Variants in ZNF605 observed in about 807,000 individuals in gnomAD.
ZNF605 encodes zinc finger protein 605.
Under a neutral mutation model 7.9 loss-of-function variants are expected in ZNF605, and 9 were observed. That is an observed-to-expected ratio of 1.14 (90% CI 0.68 to 1.98). ZNF605 has a LOEUF of 1.98. Ranked by LOEUF, ZNF605 falls within the 30% of genes most tolerant of loss-of-function variation. The probability of loss-of-function intolerance (pLI) is 0.00; values close to 1 mark genes in which losing one functional copy is unlikely to be tolerated. For missense variants in ZNF605, 673 were observed against 762.4 expected (o/e 0.88, Z 1.38); for synonymous variants, 255 against 260.1 (o/e 0.98, Z 0.19).
chr12:132,949,405 C>CA (rs1461635539), intron 1 of ZNF605, among the ~76,000 whole-genome samples: 1 of 152,216 alleles, frequency 6.6e-6, no homozygotes, highest in Non-Finnish European at 1.5e-5. Context: ...TGATGGTACT[C>CA]AATCAATAGA....
intron 1 of ZNF605, among the ~76,000 whole-genome samples, chr12:132,953,615 C>T (rs938777766): frequency 0.013 from 1,974 of 151,628 alleles, 40 homozygotes; most frequent in African/African-American, 0.04. Flanking sequence ...TTAGTAGAGA[C>T]GGGGTTTCAC....
chr12:132,939,243 T>C (rs1371134011), intron 3 of ZNF605, among the ~76,000 whole-genome samples: 17 of 152,184 alleles, frequency 1.1e-4, no homozygotes, highest in Non-Finnish European at 1.8e-4. Context: ...GTGGAGAGTC[T>C]TTATATCTAG....
rs1170763971 is a variant in ZNF605, at chr12:132,921,940, A to C, written c.*3433T>G. The C allele has an allele frequency of 6.6e-6, 1 of 152,214 alleles. No homozygotes were observed. Among genetic ancestry groups the C allele is most frequent in the Non-Finnish European group, 1.5e-5 (1 of 68,036 alleles). The allele number at this position is 152,214 out of a possible 1,614,324, so 9.4% of individuals were successfully genotyped here. ...TGCATTAGCGCCGTAAGGTTGTAAG[A>C]GAAGCAACTCTGGCTTGATCTTAGA... On this transcript the variant is annotated 3_prime_UTR_variant, in exon 5 of 5. Transcript: ENST00000360187.
chr12:132,938,943 C>T (rs1486626862), intron 3 of ZNF605, among the ~76,000 whole-genome samples: 1 of 152,024 alleles, frequency 6.6e-6, no homozygotes, highest in African/African-American at 2.4e-5. Context: ...AGTGCTGGCC[C>T]ACCGGCGCTG....
chr12:132,931,318 C>A (rs976671121), intron 4 of ZNF605, among the ~76,000 whole-genome samples: 24 of 152,238 alleles, frequency 1.6e-4, no homozygotes, highest in African/African-American at 5.8e-4. Context: ...TAAGTGCATA[C>A]CACAAATTCC....
chr12:132,954,510 C>T, intron 1 of ZNF605, among the ~76,000 whole-genome samples: 1 of 72,720 alleles, frequency 1.4e-5, no homozygotes, highest in Admixed American at 1.6e-4. Flanking sequence ...CACTGGTCTC[C>T]ATTCACTCAC....
intron 4 of ZNF605, among the ~76,000 whole-genome samples, chr12:132,927,548 T>C (rs1952258869): frequency 6.6e-6 from 1 of 151,976 alleles, no homozygotes; most frequent in Admixed American, 6.6e-5. Flanking sequence ...GTATTTTTAA[T>C]AGAGACGGGG....
In ZNF605 at chr12:132,926,253, T is replaced by A; in HGVS notation, c.1046A>T (p.Asn349Ile). ...CGECQKAFSR[N>I]SLLIRHQRIH... Reference sequence around the variant, plus strand: ...CCTCTGATGCCTAATGAGAAGTGAGTTCCTGCTGAAGGCTTTTTGACACTC... The same window carrying A: ...CCTCTGATGCCTAATGAGAAGTGAGATCCTGCTGAAGGCTTTTTGACACTC... The change falls in exon 5 of 5, where the codon AAC (asparagine) becomes ATC (isoleucine). Residue 349 changes from asparagine (N) to isoleucine (I), a missense_variant. Coordinates refer to ENST00000360187, the MANE Select transcript of ZNF605 (RefSeq NM_183238.4). 1 of 1,613,716 alleles carries A rather than the reference T, an allele frequency of 6.2e-7. No individual in the cohort carries two copies. The highest frequency in any genetic ancestry group is 1.1e-5 in the South Asian group (1 of 91,068).
Position 132,933,220 on chromosome 12 carries a change from TCTG to T in ZNF605, c.16-68_16-66del. The T allele has an allele frequency of 3.9e-6, 6 of 1,529,316 alleles. No homozygotes were observed. Among genetic ancestry groups the T allele is most frequent in the Non-Finnish European group, 5.3e-6 (6 of 1,134,066 alleles). 94.7% of individuals were successfully genotyped at this position (1,529,316 alleles called of 1,614,324 possible). A position where few individuals can be genotyped will look rare whatever the true frequency, so the allele number is the denominator to read the frequency against. ...CATTTGGTCTTGTAAAATACTTTCT[TCTG>T]TATTTGTGGTAGGTGGCCTCTAAGA... On this transcript the variant is annotated intron_variant, in intron 3 of 4. Coordinates refer to ENST00000360187, the MANE Select transcript of ZNF605 (RefSeq NM_183238.4). The surrounding 1 kb of genome is among the most constrained non-coding windows in gnomAD (Gnocchi z 4.4).
In ZNF605 at chr12:132,945,691, C is replaced by T; in HGVS notation, c.-56G>A. 3.7e-6 allele frequency: 6 copies of T among 1,614,080 alleles called. No individual in the cohort carries two copies. Among genetic ancestry groups the T allele is most frequent in the Non-Finnish European group, 5.1e-6 (6 of 1,179,902 alleles). ...TGTGACTTCTCTTAGTCCTGACACC[C>T]TGGAGTGGCCTCTGGTCAGTGGTCT... On this transcript the variant is annotated 5_prime_UTR_variant, in exon 3 of 5. Coordinates refer to ENST00000360187, the MANE Select transcript of ZNF605 (RefSeq NM_183238.4).
In ZNF605 at chr12:132,941,624, G is replaced by A. The variant is rs1952442244; in HGVS notation, c.15+3997C>T. On this transcript the variant is annotated intron_variant, in intron 3 of 4. Transcript: ENST00000360187. The surrounding 1 kb of genome is among the most constrained non-coding windows in gnomAD (Gnocchi z 5.1). ...ACTGACTGTTGTAACGGACAGCTTC[G>A]GTGGCTGCTGGGAGGGGACGAGATA... 6.6e-6 allele frequency among the ~76,000 whole-genome samples: 1 copy of A among 152,312 alleles called. No homozygotes were observed. Among genetic ancestry groups the A allele is most frequent in the Middle Eastern group, 3.4e-3 (1 of 294 alleles).
At position 132,926,696 on chromosome 12, in the gene ZNF605, C is replaced by CTTT. The variant is rs1952251241; in HGVS notation, c.602_603insAAA (p.Glu201_Cys202insLys). ...ACTTCTGTGAAAAGGCTTTTCCACACTCACTGCATTGATAGGGCTTCTCTC... is the reference window on the plus strand; with the variant it reads ...ACTTCTGTGAAAAGGCTTTTCCACACTTTTCACTGCATTGATAGGGCTTCTCTC... On this transcript the variant is annotated inframe_insertion, in exon 5 of 5. Transcript: ENST00000360187. 6.2e-7 allele frequency: 1 copy of CTTT among 1,613,640 alleles called. No homozygotes were observed. The highest frequency in any genetic ancestry group is 8.5e-7 in the Non-Finnish European group (1 of 1,179,914).
rs1350165044 is a variant in ZNF605 at position 132,953,205 on chromosome 12, GACC to G, written c.-286+3035_-286+3037del. ...CCATGTGCCCCCATCACTCCCACAG[GACC>G]ACAATGGCTGACTTCACAGGCCACC... On this transcript the variant is annotated intron_variant, in intron 1 of 4. Coordinates refer to ENST00000360187, the MANE Select transcript of ZNF605 (RefSeq NM_183238.4). 3.1e-4 allele frequency among the ~76,000 whole-genome samples: 47 copies of G among 152,074 alleles called. 1 individual carries two copies. In the East Asian group the frequency reaches 7.9e-3, roughly 26 times the overall value.
intron 3 of ZNF605, among the ~76,000 whole-genome samples, chr12:132,939,700 G>T (rs1462360532): frequency 1.3e-5 from 2 of 152,242 alleles, no homozygotes; most frequent in Non-Finnish European, 2.9e-5. Flanking sequence ...CGAGCCAGCA[G>T]TGGCAACCCG....
At chr12:132,955,145 C>T (rs1441038653) in intron 1 of ZNF605, among the ~76,000 whole-genome samples, 1 of 152,040 alleles carries the variant, frequency 6.6e-6, no homozygotes, top group Admixed American at 6.6e-5. Context: ...GGAAGGAGAA[C>T]GGGCTTCTGG....
intron 3 of ZNF605, among the ~76,000 whole-genome samples, chr12:132,937,792 A>AG (rs112399707): frequency 0.16 from 25,110 of 152,192 alleles, 2,111 homozygotes; most frequent in Non-Finnish European, 0.19. Flanking sequence ...AAAAAGTGGA[A>AG]CAATTAAGAT....
At chr12:132,940,938 C>T (rs1021201565) in intron 3 of ZNF605, among the ~76,000 whole-genome samples, 2 of 150,148 alleles carry the variant, frequency 1.3e-5, no homozygotes, top group Non-Finnish European at 3.0e-5. Flanking sequence ...GCCCCATCTT[C>T]GTGTCCACGT....
intron 3 of ZNF605, among the ~76,000 whole-genome samples, chr12:132,940,520 G>C (rs970330555): frequency 6.6e-6 from 1 of 151,924 alleles, no homozygotes; most frequent in Non-Finnish European, 1.5e-5. Flanking sequence ...GGTCCTGAGT[G>C]TATTGTTGAT....
In ZNF605 at chr12:132,945,796, G is replaced by T; in HGVS notation, c.-161C>A. 2.1e-6 allele frequency: 2 copies of T among 962,702 alleles called. No homozygotes were observed. Among genetic ancestry groups the T allele is most frequent in the Non-Finnish European group, 3.3e-6 (2 of 606,380 alleles). 59.6% of individuals were successfully genotyped at this position (962,702 alleles called of 1,614,324 possible). ...AATTGTCTTGTTCCAGAGGGCTATT[G>T]CCTGTGGATGCAGTGGACATTTTAT... On this transcript the variant is annotated splice_region_variant and 5_prime_UTR_variant, in exon 3 of 5. Coordinates refer to ENST00000360187, the MANE Select transcript of ZNF605 (RefSeq NM_183238.4).
Sources: allele counts gnomAD v4.1 joint callset (sites outside exome capture counted in the v4.1 genomes callset), GRCh38; gene constraint gnomAD v4.1.1; non-coding constraint Gnocchi (gnomAD v3.1); transcripts MANE v1.5; gene names NCBI Gene and HGNC (gene_info 2026-07-23, HGNC 2026-07-21).